The following LDLRAD4 variants were observed in gnomAD, a reference collection of about 807,000 sequenced individuals.
LDLRAD4 encodes low-density lipoprotein receptor class A domain-containing protein 4.
Under a neutral mutation model 17.0 loss-of-function variants are expected in LDLRAD4, and 5 were observed. The observed-to-expected ratio is 0.29, with a 90% CI of 0.15 to 0.62. The LOEUF is 0.62. Among genes scored for constraint, LDLRAD4 ranks in the 20% least tolerant of loss-of-function variants. LDLRAD4 has a pLI of 0.84. For synonymous variants in LDLRAD4, 168 were observed against 171.8 expected (o/e 0.98, Z 0.17); for missense variants, 340 against 424.7 (o/e 0.80, Z 1.75).
intron 1 of LDLRAD4, among the ~76,000 whole-genome samples, chr18:13,339,386 A>G (rs1416367056): frequency 1.3e-5 from 2 of 152,112 alleles, no homozygotes; most frequent in East Asian, 3.9e-4. Context: ...TATTTTTAGT[A>G]GAGACAGGGT....
At chr18:13,504,580 A>G (rs2093661771) in intron 3 of LDLRAD4, among the ~76,000 whole-genome samples, 1 of 152,136 alleles carries the variant, frequency 6.6e-6, no homozygotes, top group East Asian at 1.9e-4. Flanking sequence ...GGCATGCGCT[A>G]TCACGCCTGG....
intron 1 of LDLRAD4, among the ~76,000 whole-genome samples, chr18:13,339,104 T>C (rs1344702220): frequency 6.6e-6 from 1 of 152,216 alleles, no homozygotes; most frequent in Non-Finnish European, 1.5e-5. Context: ...TACTTTCCAT[T>C]GCAGCTTGAG....
chr18:13,542,730 T>G (rs2094303308), intron 3 of LDLRAD4, among the ~76,000 whole-genome samples: 1 of 152,114 alleles, frequency 6.6e-6, no homozygotes, highest in African/African-American at 2.4e-5. Context: ...TCATTCTGGT[T>G]TTTCTTTTGG....
At chr18:13,357,710 A>T (rs1316105924) in intron 1 of LDLRAD4, among the ~76,000 whole-genome samples, 1 of 152,136 alleles carries the variant, frequency 6.6e-6, no homozygotes, top group East Asian at 1.9e-4. Flanking sequence ...GAAGATGGGC[A>T]TCCTGCAGTT....
chr18:13,256,163 G>A (rs2043492076), intron 1 of LDLRAD4, among the ~76,000 whole-genome samples: 1 of 152,206 alleles, frequency 6.6e-6, no homozygotes, highest in Non-Finnish European at 1.5e-5. Context: ...TTTGCTGCCT[G>A]ATTATTCTAG....
Position 13,622,082 on chromosome 18 carries a change from G to T in LDLRAD4, c.336+811G>T, listed in dbSNP as rs562190368. On this transcript the variant is annotated intron_variant, in intron 4 of 5. Coordinates refer to ENST00000359446, the Ensembl canonical transcript of LDLRAD4. This position sits in a 1 kb window ranked among gnomAD's most constrained non-coding sequence, Gnocchi z 5.3. ...GAGTCTCCACAGTGTGGAGCCCTGC[G>T]GTATGCTGAGCACAGGAGCCGGTCC... Among the ~76,000 whole-genome samples the T allele has an allele frequency of 3.4e-3, 521 of 152,306 alleles. 1 individual carries two copies. Among genetic ancestry groups the T allele is most frequent in the African/African-American group, 0.012 (493 of 41,562 alleles).
intron 4 of LDLRAD4, among the ~76,000 whole-genome samples, chr18:13,637,102 GT>G (rs894159877): frequency 1.3e-5 from 2 of 151,826 alleles, no homozygotes; most frequent in African/African-American, 2.4e-5. Flanking sequence ...CTGGCCTAAA[GT>G]TTTTTTTGTT....
At chr18:13,476,238 G>T (rs1184351630) in intron 3 of LDLRAD4, among the ~76,000 whole-genome samples, 2 of 152,120 alleles carry the variant, frequency 1.3e-5, no homozygotes, top group Non-Finnish European at 2.9e-5. Context: ...TGTTTAACTT[G>T]GTGTGTACAC....
intron 2 of LDLRAD4, among the ~76,000 whole-genome samples, chr18:13,407,632 G>A (rs1050288678): frequency 6.6e-6 from 1 of 152,252 alleles, no homozygotes; most frequent in Non-Finnish European, 1.5e-5. Flanking sequence ...CACCCCCTTG[G>A]GAGCAGATGG....
rs527736501 is a variant in LDLRAD4 at position 13,511,125 on chromosome 18, C to T, written c.181+72741C>T. ...CCTCACACACAGGATCTGTGAGGAG[C>T]GGCCCAAGTGCAGCCTGCAGAAGGA... On this transcript the variant is annotated intron_variant, in intron 3 of 5. Coordinates refer to ENST00000359446, the Ensembl canonical transcript of LDLRAD4. Among the ~76,000 whole-genome samples the T allele has an allele frequency of 8.2e-4, 125 of 152,050 alleles. 1 individual carries two copies. Among genetic ancestry groups the T allele is most frequent in the Non-Finnish European group, 1.4e-3 (97 of 68,006 alleles).
At chr18:13,263,372 CTA>C (rs773112964) in intron 1 of LDLRAD4, among the ~76,000 whole-genome samples, 135 of 152,166 alleles carry the variant, frequency 8.9e-4, no homozygotes, top group Non-Finnish European at 1.2e-3. Context: ...CTGTGCGACT[CTA>C]TGTGTGGGGC....
At chr18:13,254,685 G>T (rs780525089) in intron 1 of LDLRAD4, among the ~76,000 whole-genome samples, 1 of 152,238 alleles carries the variant, frequency 6.6e-6, no homozygotes, top group Non-Finnish European at 1.5e-5. Flanking sequence ...AGAACATACT[G>T]GGCGTGGTGG....
chr18:13,433,143 T>C (rs1466459877), intron 2 of LDLRAD4, among the ~76,000 whole-genome samples: 1 of 152,240 alleles, frequency 6.6e-6, no homozygotes, highest in Non-Finnish European at 1.5e-5. Flanking sequence ...TTATGGTAAT[T>C]TATGCTAATC....
At chr18:13,229,828 G>T (rs1167608883) in intron 1 of LDLRAD4, among the ~76,000 whole-genome samples, 1 of 152,206 alleles carries the variant, frequency 6.6e-6, no homozygotes, top group Non-Finnish European at 1.5e-5. Flanking sequence ...AGACAGGTGT[G>T]CCCACGGTTG....
intron 2 of LDLRAD4, among the ~76,000 whole-genome samples, chr18:13,397,055 C>G (rs1242231809): frequency 6.6e-6 from 1 of 152,254 alleles, no homozygotes; most frequent in South Asian, 2.1e-4. Flanking sequence ...CACGAGGGTT[C>G]TGTCCTAGGC....
intron 1 of LDLRAD4, among the ~76,000 whole-genome samples, chr18:13,268,454 C>T (rs898348710): frequency 1.3e-5 from 2 of 152,318 alleles, no homozygotes; most frequent in Non-Finnish European, 2.9e-5. Flanking sequence ...AAATGCTGTG[C>T]CTTCAGACTG....
intron 1 of LDLRAD4, among the ~76,000 whole-genome samples, chr18:13,235,559 A>G (rs2042293176): frequency 6.6e-6 from 1 of 152,204 alleles, no homozygotes; most frequent in East Asian, 1.9e-4. Context: ...GATTGTGAAA[A>G]CCAAGTGCGG....
chr18:13,330,697 G>T (rs184534309), intron 1 of LDLRAD4, among the ~76,000 whole-genome samples: 1 of 152,238 alleles, frequency 6.6e-6, no homozygotes, highest in East Asian at 1.9e-4. Flanking sequence ...GATGTCTTTT[G>T]TATTTTAATG....
At chr18:13,249,270 G>T (rs528454050) in intron 1 of LDLRAD4, among the ~76,000 whole-genome samples, 1 of 152,188 alleles carries the variant, frequency 6.6e-6, no homozygotes, top group South Asian at 2.1e-4. Context: ...ATGCCGAGTA[G>T]CAGGACTGCT....
Sources: allele counts gnomAD v4.1 joint callset (sites outside exome capture counted in the v4.1 genomes callset), GRCh38; gene constraint gnomAD v4.1.1; non-coding constraint Gnocchi (gnomAD v3.1); transcripts MANE v1.5; gene names NCBI Gene and HGNC (gene_info 2026-07-23, HGNC 2026-07-21).